The following ADAMTS13 variants were observed in gnomAD, a reference collection of about 807,000 sequenced individuals.
ADAMTS13 encodes the protein ADAM metallopeptidase with thrombospondin type 1 motif 13, also known as A disintegrin and metalloproteinase with thrombospondin motifs 13.
In ADAMTS13, 110 loss-of-function variants were observed where a neutral mutation model predicts 155.1. That is an observed-to-expected ratio of 0.71 (90% CI 0.61 to 0.83). ADAMTS13 has a LOEUF of 0.83. ADAMTS13 is among the 40% of genes least tolerant of loss of function. The pLI, the probability that ADAMTS13 is intolerant of heterozygous loss-of-function variation, is 0.00. For missense variants in ADAMTS13, 1,707 were observed against 1,891.7 expected (o/e 0.90, Z 1.81); for synonymous variants, 758 against 756.4 (o/e 1.00, Z -0.03).
At chr9:133,432,219 C>A (rs587661682) in intron 8 of ADAMTS13, among the ~76,000 whole-genome samples, 2 of 152,092 alleles carry the variant, frequency 1.3e-5, no homozygotes, top group Non-Finnish European at 2.9e-5. Context: ...GAGCCAAGAT[C>A]GCGCCATTGC....
chr9:133,455,278 T>G lies in ADAMTS13; in HGVS notation c.3250-7T>G. The G allele has an allele frequency of 1.2e-6, 2 of 1,601,062 alleles. No homozygotes were observed. Among genetic ancestry groups the G allele is most frequent in the Non-Finnish European group, 1.7e-6 (2 of 1,179,932 alleles). On this transcript the variant is annotated splice_region_variant and splice_polypyrimidine_tract_variant and intron_variant, in intron 24 of 28. Coordinates refer to ENST00000355699, the MANE Select transcript of ADAMTS13 (RefSeq NM_139027.6). The stretch of plus-strand genomic sequence containing the variant: ...CAGCTGTGACTCCTCCTCCCCTCTC[T>G]TGGCAGTGCTCTGTTTCCTGTGGGG...
intron 23 of ADAMTS13, 82 bp from the exon 24 acceptor site, chr9:133,454,333 A>G (rs1842613600): frequency 6.6e-7 from 1 of 1,511,660 alleles, no homozygotes; most frequent in East Asian, 2.3e-5. Context: ...GTCCGAGTAC[A>G]CGTGGGTGGA....
intron 8 of ADAMTS13, among the ~76,000 whole-genome samples, chr9:133,431,451 C>T (rs782392844): frequency 2.0e-5 from 3 of 148,194 alleles, no homozygotes; most frequent in Admixed American, 1.3e-4. Flanking sequence ...CTACGCCTCC[C>T]GAGTAGCTGG....
At position 133,445,514 on chromosome 9, in the gene ADAMTS13, G is replaced by A. The variant is rs773416334; in HGVS notation, c.2611-185G>A. The stretch of plus-strand genomic sequence containing the variant: ...CTGCTGAGGAGCCTGCAAAGGTGGG[G>A]TGTGCAGCAAGGATACCCGCTGCGA... On this transcript the variant is annotated intron_variant, in intron 20 of 28. Transcript: ENST00000355699. This position sits in a 1 kb window ranked among gnomAD's most constrained non-coding sequence, Gnocchi z 5.0. 1.2e-4 allele frequency among the ~76,000 whole-genome samples: 19 copies of A among 152,206 alleles called. No individual in the cohort carries two copies. The highest frequency in any genetic ancestry group is 2.1e-4 in the Non-Finnish European group (14 of 68,018).
At chr9:133,453,352 C>T (rs112811693) in intron 23 of ADAMTS13, among the ~76,000 whole-genome samples, 3 of 152,164 alleles carry the variant, frequency 2.0e-5, no homozygotes, top group African/African-American at 7.2e-5. Context: ...AGGAGAATGA[C>T]GTGAACCCAG....
intron 6 of ADAMTS13, among the ~76,000 whole-genome samples, chr9:133,427,858 T>G (rs1840386349): frequency 6.6e-6 from 1 of 152,164 alleles, no homozygotes; most frequent in Non-Finnish European, 1.5e-5. Context: ...TATGCAGAAA[T>G]TTCTAGAAAA....
rs781894198 is a variant in ADAMTS13, at chr9:133,442,788, T to G, written c.2234+45T>G. ...CGCAGCTCCAAGGGGGAGAGAGGGT[T>G]CCGCTGGGGCTGCTGGGCTCTGTCC... is the stretch of plus-strand genomic sequence containing the variant. On this transcript the variant is annotated intron_variant, in intron 18 of 28. Transcript: ENST00000355699. The G allele has an allele frequency of 7.6e-6, 12 of 1,589,314 alleles. No individual in the cohort carries two copies. The South Asian group carries it at 1.3e-4, about 18-fold the overall frequency.
intron 25 of ADAMTS13, chr9:133,455,853 C>G (rs1842709245): frequency 2.6e-6 from 2 of 768,522 alleles, no homozygotes; most frequent in East Asian, 5.3e-5. Flanking sequence ...GCATGTGCCC[C>G]CTCTTGCTGG....
At chr9:133,438,490 C>G in intron 14 of ADAMTS13, 124 bp downstream of exon 14, 1 of 1,434,674 alleles carries the variant, frequency 7.0e-7, no homozygotes, top group Non-Finnish European at 9.4e-7. Context: ...GCCCTGGATG[C>G]CTCCTGTGGT....
In ADAMTS13 at chr9:133,425,546, G is replaced by C; in HGVS notation, c.348G>C (p.Arg116=). The C allele has an allele frequency of 6.2e-7, 1 of 1,613,506 alleles. No homozygotes were observed. The part of the protein sequence containing the change: ...TNLNIGAELL[R]DPSLGAQFRV... ...TTGCACAGGGGGCAGAACTGCTTCG[G>C]GACCCGTCCCTGGGGGCTCAGTTTC... Residue 116 remains arginine (R), a synonymous_variant, in exon 4 of 29, where the codon CGG becomes CGC. Coordinates refer to ENST00000355699, the MANE Select transcript of ADAMTS13 (RefSeq NM_139027.6). This position sits in a 1 kb window ranked among gnomAD's most constrained non-coding sequence, Gnocchi z 4.6.
upstream of ADAMTS13, chr9:133,418,026 C>A: frequency 3.3e-6 from 2 of 605,088 alleles, no homozygotes; most frequent in Non-Finnish European, 5.8e-6. Flanking sequence ...AGCACGCACG[C>A]TCCAGTCCCC....
At chr9:133,430,853 G>A (rs1840705869) in intron 8 of ADAMTS13, among the ~76,000 whole-genome samples, 2 of 151,994 alleles carry the variant, frequency 1.3e-5, no homozygotes, top group Non-Finnish European at 1.5e-5. Flanking sequence ...GTAGAGACGG[G>A]GTTTCACTGT....
At chr9:133,432,544 C>T in intron 8 of ADAMTS13, 44 bp from the exon 9 acceptor site, 2 of 1,509,322 alleles carry the variant, frequency 1.3e-6, no homozygotes, top group Non-Finnish European at 1.8e-6. Context: ...CCTGGAAGGC[C>T]CTGGTGGCCC....
At position 133,456,328 on chromosome 9, in the gene ADAMTS13, T is replaced by G; in HGVS notation, c.3547+113T>G. 1 of 1,527,902 alleles carries G rather than the reference T, an allele frequency of 6.5e-7. No individual in the cohort carries two copies. The highest frequency in any genetic ancestry group is 8.9e-7 in the Non-Finnish European group (1 of 1,120,520). 94.6% of individuals were successfully genotyped at this position (1,527,902 alleles called of 1,614,324 possible). Reference sequence around the variant, plus strand: ...GCCCATGTGCATTCCCACCTGTAGTTTGCATCCCATCTCATGACTGGGGAG... The same window carrying G: ...GCCCATGTGCATTCCCACCTGTAGTGTGCATCCCATCTCATGACTGGGGAG... On this transcript the variant is annotated intron_variant, in intron 26 of 28. Transcript: ENST00000355699. The surrounding 1 kb of genome is among the most constrained non-coding windows in gnomAD (Gnocchi z 4.4).
chr9:133,446,066 A>G (rs1285802118), intron 21 of ADAMTS13, among the ~76,000 whole-genome samples: 6 of 152,200 alleles, frequency 3.9e-5, no homozygotes, highest in East Asian at 3.9e-4. Flanking sequence ...GCCATTCCTT[A>G]TGGTCCTAGC....
At chr9:133,426,414 G>T (rs1172895845) in intron 6 of ADAMTS13, 69 bp downstream of exon 6, 3 of 1,586,512 alleles carry the variant, frequency 1.9e-6, no homozygotes, top group African/African-American at 2.7e-5. Context: ...GGTGGAGGTG[G>T]TCTTGGCAAG....
At chr9:133,432,504 C>G in intron 8 of ADAMTS13, 84 bp from the exon 9 acceptor site, 1 of 1,210,324 alleles carries the variant, frequency 8.3e-7, no homozygotes, top group South Asian at 1.3e-5. Context: ...GTCCTGCAGT[C>G]TGGGAGGGAC....
At chr9:133,439,224 C>T (rs1841481126) in intron 14 of ADAMTS13, 142 bp from the exon 15 acceptor site, 1 of 732,492 alleles carries the variant, frequency 1.4e-6, no homozygotes, top group African/African-American at 1.7e-5. Context: ...TTTTAATTGC[C>T]CCCATGACAG....
intron 1 of ADAMTS13, chr9:133,414,990 G>C: frequency 6.3e-7 from 1 of 1,583,458 alleles, no homozygotes; most frequent in Non-Finnish European, 8.5e-7. Context: ...TCTGGGGCCT[G>C]AGATTTTTGT....
Sources: allele counts gnomAD v4.1 joint callset (sites outside exome capture counted in the v4.1 genomes callset), GRCh38; gene constraint gnomAD v4.1.1; non-coding constraint Gnocchi (gnomAD v3.1); transcripts MANE v1.5; gene names NCBI Gene and HGNC (gene_info 2026-07-23, HGNC 2026-07-21).